Variants in CCDC73 observed in about 807,000 individuals in gnomAD.
The protein encoded by CCDC73 is coiled-coil domain-containing protein 73.
In CCDC73, 95 loss-of-function variants were observed where a neutral mutation model predicts 116.5. The observed-to-expected ratio is 0.82, with a 90% CI of 0.69 to 0.97. The LOEUF (loss-of-function observed/expected upper bound fraction) is 0.97. Ranked by LOEUF, CCDC73 falls within the 50% of genes least tolerant of loss-of-function variation. The pLI is 0.00. For missense variants in CCDC73, 1,066 were observed against 1,206.8 expected, an observed-to-expected ratio of 0.88 and a Z score of 1.73; for synonymous variants, 398 against 401.3, an observed-to-expected ratio of 0.99 and a Z score of 0.10.
intron 2 of CCDC73, among the ~76,000 whole-genome samples, chr11:32,748,812 T>C (rs1850262654): frequency 6.6e-6 from 1 of 152,328 alleles, no homozygotes; most frequent in Admixed American, 6.5e-5. Context: ...TTGAAGGATA[T>C]TTTCACTGTA....
At chr11:32,766,751 T>A (rs1174469913) in intron 1 of CCDC73, among the ~76,000 whole-genome samples, 1 of 152,038 alleles carries the variant, frequency 6.6e-6, no homozygotes, top group African/African-American at 2.4e-5. Context: ...TACCTAGGAA[T>A]CCAACTTACA....
chr11:32,607,905 G>A (rs1348682023), intron 17 of CCDC73, among the ~76,000 whole-genome samples: 1 of 152,146 alleles, frequency 6.6e-6, no homozygotes, highest in Non-Finnish European at 1.5e-5. Context: ...CTTACATGGT[G>A]GCAGCAAAAG....
At chr11:32,792,380 G>T (rs1290945008) in intron 1 of CCDC73, among the ~76,000 whole-genome samples, 1 of 152,184 alleles carries the variant, frequency 6.6e-6, no homozygotes, top group Non-Finnish European at 1.5e-5. Context: ...ATATGGTAAA[G>T]CTAAGCATTG....
chr11:32,625,319 A>C (rs1855560641), intron 14 of CCDC73, among the ~76,000 whole-genome samples: 2 of 152,200 alleles, frequency 1.3e-5, no homozygotes, highest in Admixed American at 1.3e-4. Context: ...TGATCCTGTC[A>C]TTATGATGTT....
intron 17 of CCDC73, among the ~76,000 whole-genome samples, chr11:32,608,262 G>A (rs1350345987): frequency 6.6e-6 from 1 of 152,156 alleles, no homozygotes; most frequent in Non-Finnish European, 1.5e-5. Context: ...TCTGAGACAA[G>A]GCAAGTCCCT....
intron 14 of CCDC73, among the ~76,000 whole-genome samples, chr11:32,627,839 A>C (rs1855590816): frequency 6.6e-6 from 1 of 152,160 alleles, no homozygotes; most frequent in Non-Finnish European, 1.5e-5. Context: ...GGGAGCGGGG[A>C]GGGATAGCAT....
chr11:32,781,057 C>A (rs1850579592), intron 1 of CCDC73, among the ~76,000 whole-genome samples: 1 of 152,172 alleles, frequency 6.6e-6, no homozygotes, highest in Admixed American at 6.5e-5. Context: ...ATTGCTTGAG[C>A]CCAGAAGGCG....
At chr11:32,707,467 T>C (rs117670542) in intron 3 of CCDC73, among the ~76,000 whole-genome samples, 1,815 of 152,152 alleles carry the variant, frequency 0.012, 15 homozygotes, top group Non-Finnish European at 0.017. Flanking sequence ...CACCTATTTG[T>C]TTTTTCCTGG....
intron 2 of CCDC73, among the ~76,000 whole-genome samples, chr11:32,749,592 G>A (rs1850268863): frequency 6.6e-6 from 1 of 152,050 alleles, no homozygotes; most frequent in South Asian, 2.1e-4. Flanking sequence ...GTTCGTCAGT[G>A]TCTGGGCATT....
intron 9 of CCDC73, among the ~76,000 whole-genome samples, chr11:32,655,338 T>C (rs1248644890): frequency 6.6e-6 from 1 of 152,094 alleles, no homozygotes; most frequent in African/African-American, 2.4e-5. Flanking sequence ...TAGGAAAAAT[T>C]ATGTAAGAAA....
At chr11:32,701,118 A>C (rs747826602) in intron 4 of CCDC73, among the ~76,000 whole-genome samples, 15 of 152,198 alleles carry the variant, frequency 9.9e-5, no homozygotes, top group Admixed American at 2.6e-4. Context: ...CGGTCTCCCA[A>C]GTAGCTGAGA....
At chr11:32,611,734 T>A (rs998290912) in intron 16 of CCDC73, among the ~76,000 whole-genome samples, 1 of 152,152 alleles carries the variant, frequency 6.6e-6, no homozygotes, top group African/African-American at 2.4e-5. Flanking sequence ...TTAGAAGGGG[T>A]CACATTGGGC....
intron 11 of CCDC73, among the ~76,000 whole-genome samples, chr11:32,653,533 C>T (rs1390060890): frequency 6.6e-6 from 1 of 152,040 alleles, no homozygotes; most frequent in Admixed American, 6.6e-5. Flanking sequence ...TATATCACTA[C>T]TAAAATGTCA....
At chr11:32,645,580 C>G (rs933520549) in intron 12 of CCDC73, among the ~76,000 whole-genome samples, 1 of 151,870 alleles carries the variant, frequency 6.6e-6, no homozygotes, top group Admixed American at 6.6e-5. Context: ...TGAGCCACCA[C>G]GCCTGGCCAA....
intron 12 of CCDC73, among the ~76,000 whole-genome samples, chr11:32,649,721 A>C (rs1010542140): frequency 3.3e-5 from 5 of 152,184 alleles, no homozygotes; most frequent in African/African-American, 1.2e-4. Flanking sequence ...AAAAATGTCA[A>C]TATAAGGTCA....
intron 9 of CCDC73, among the ~76,000 whole-genome samples, chr11:32,667,718 T>C (rs1855999692): frequency 6.6e-6 from 1 of 152,166 alleles, no homozygotes; most frequent in Admixed American, 6.5e-5. Flanking sequence ...GGTACCTCAG[T>C]TGGAAATGCA....
At chr11:32,690,393 T>C (rs893877686) in intron 6 of CCDC73, among the ~76,000 whole-genome samples, 3 of 152,120 alleles carry the variant, frequency 2.0e-5, no homozygotes, top group Non-Finnish European at 4.4e-5. Flanking sequence ...GCCCCACACA[T>C]ACATAACCCC....
At chr11:32,791,185 G>A (rs935966496) in intron 1 of CCDC73, among the ~76,000 whole-genome samples, 1 of 152,182 alleles carries the variant, frequency 6.6e-6, no homozygotes. Flanking sequence ...ACTTCCTGAT[G>A]TGTTTCTCTG....
intron 7 of CCDC73, among the ~76,000 whole-genome samples, chr11:32,678,329 G>T (rs959661296): frequency 1.3e-5 from 2 of 152,122 alleles, no homozygotes; most frequent in Non-Finnish European, 2.9e-5. Context: ...GAGCACAGTG[G>T]TCAAAAGCTA....
Sources: gnomAD v4.1 joint callset for allele counts (sites outside exome capture counted in the v4.1 genomes callset) on GRCh38, gnomAD v4.1.1 for gene constraint, MANE v1.5 for transcripts, NCBI Gene and HGNC (gene_info 2026-07-23, HGNC 2026-07-21) for gene names.